Variants in PHF2 observed in about 807,000 individuals in gnomAD.
PHF2 encodes PHD finger protein 2, also known as lysine-specific demethylase PHF2.
PHF2 carries 27 observed loss-of-function variants against 120.5 expected under a neutral mutation model. That is an observed-to-expected ratio of 0.22 (90% CI 0.17 to 0.31). PHF2 has a LOEUF of 0.31. Among genes scored for constraint, PHF2 ranks in the 10% least tolerant of loss-of-function variants. The pLI is 1.00. For missense variants in PHF2, 1,024 were observed against 1,434.8 expected, an observed-to-expected ratio of 0.71 and a Z score of 4.63; for synonymous variants, 568 against 592.5, an observed-to-expected ratio of 0.96 and a Z score of 0.60.
rs559791049 is a variant in PHF2 at position 93,677,041 on chromosome 9, G to A, written c.3202+78G>A. ...TGGGCAGCCCCAGACATGCAGACTC[G>A]GCCCATGGTAGAGGGCAGCACATTG... On this transcript the variant is annotated intron_variant, in intron 21 of 21. Transcript: ENST00000359246. This position sits in a 1 kb window ranked among gnomAD's most constrained non-coding sequence, Gnocchi z 4.4. The A allele has an allele frequency of 1.5e-5, 22 of 1,420,146 alleles. No individual in the cohort carries two copies. The highest frequency in any genetic ancestry group is 5.6e-5 in the Admixed American group (2 of 35,946). The allele number at this position is 1,420,146 out of a possible 1,614,324, so 88.0% of individuals were successfully genotyped here.
chr9:93,608,745 A>G (rs1172671038), intron 1 of PHF2, among the ~76,000 whole-genome samples: 1 of 151,796 alleles, frequency 6.6e-6, no homozygotes, highest in African/African-American at 2.4e-5. Flanking sequence ...TCATCCTTTT[A>G]CTTTTAATCT....
At position 93,653,640 on chromosome 9, in the gene PHF2, G is replaced by C. The variant is rs542740770; in HGVS notation, c.789+275G>C. Among the ~76,000 whole-genome samples the C allele has an allele frequency of 1.7e-4, 26 of 152,328 alleles. 1 individual carries two copies. In the East Asian group the frequency reaches 5.0e-3, roughly 29 times the overall value. ...AGACCACCAGGTGACCATGCACTTA[G>C]AGGAGAAAGGGGAATGTTGCAAAAA... On this transcript the variant is annotated intron_variant, in intron 6 of 21. Coordinates refer to ENST00000359246, the MANE Select transcript of PHF2 (RefSeq NM_005392.4).
Position 93,656,128 on chromosome 9 carries a change from T to C in PHF2, c.1040+107T>C. The C allele has an allele frequency of 1.2e-6, 1 of 855,088 alleles. No individual in the cohort carries two copies. Among genetic ancestry groups the C allele is most frequent in the Non-Finnish European group, 1.9e-6 (1 of 535,580 alleles). The allele number at this position is 855,088 out of a possible 1,614,324, so 53.0% of individuals were successfully genotyped here. A position where few individuals can be genotyped will look rare whatever the true frequency, so the allele number is the denominator to read the frequency against. Reference sequence around the variant, plus strand: ...GCTGAGTCCTGGCACAGCCCGCCTGTGGGTGGCCTGGACATGACCGTCAGC... The same window carrying C: ...GCTGAGTCCTGGCACAGCCCGCCTGCGGGTGGCCTGGACATGACCGTCAGC... On this transcript the variant is annotated intron_variant, in intron 8 of 21. Coordinates refer to ENST00000359246, the MANE Select transcript of PHF2 (RefSeq NM_005392.4). The surrounding 1 kb of genome is among the most constrained non-coding windows in gnomAD (Gnocchi z 4.1).
At chr9:93,668,015 G>T (rs1488765777) in intron 17 of PHF2, among the ~76,000 whole-genome samples, 3 of 152,238 alleles carry the variant, frequency 2.0e-5, no homozygotes, top group Non-Finnish European at 4.4e-5. Flanking sequence ...TCAGTGGGCA[G>T]GTGGAGGCCT....
intron 3 of PHF2, among the ~76,000 whole-genome samples, chr9:93,637,876 G>A (rs922269524): frequency 2.6e-5 from 4 of 152,180 alleles, no homozygotes; most frequent in Non-Finnish European, 5.9e-5. Flanking sequence ...TCCAAAGCAG[G>A]TTCCCCGTTT....
In PHF2 at chr9:93,677,291, C is replaced by A. The variant is rs931841036; in HGVS notation, c.3203-297C>A. Among the ~76,000 whole-genome samples the A allele has an allele frequency of 6.6e-6, 1 of 151,820 alleles. No individual in the cohort carries two copies. The highest frequency in any genetic ancestry group is 2.4e-5 in the African/African-American group (1 of 41,348). Reference sequence around the variant, plus strand: ...CTGGCAGTGGCTCCTGGCCTTGTTACTGGGGGTGGTGCCCAGGCATCCTCA... The same window carrying A: ...CTGGCAGTGGCTCCTGGCCTTGTTAATGGGGGTGGTGCCCAGGCATCCTCA... On this transcript the variant is annotated intron_variant, in intron 21 of 21. Coordinates refer to ENST00000359246, the MANE Select transcript of PHF2 (RefSeq NM_005392.4). This position sits in a 1 kb window ranked among gnomAD's most constrained non-coding sequence, Gnocchi z 4.4.
chr9:93,664,517 G>A (rs562679815), intron 14 of PHF2, among the ~76,000 whole-genome samples: 2 of 152,330 alleles, frequency 1.3e-5, no homozygotes, highest in Non-Finnish European at 2.9e-5. Flanking sequence ...TGACTAACTT[G>A]GCCAGGTTGT....
chr9:93,601,699 C>T (rs748528021), intron 1 of PHF2, among the ~76,000 whole-genome samples: 4 of 151,874 alleles, frequency 2.6e-5, no homozygotes, highest in African/African-American at 4.8e-5. Flanking sequence ...TGTGCAGAGC[C>T]CCTATGAATC....
rs1826453201 is a variant in PHF2, at chr9:93,656,031, G to GC, written c.1040+12dup. On this transcript the variant is annotated intron_variant, in intron 8 of 21. Coordinates refer to ENST00000359246, the MANE Select transcript of PHF2 (RefSeq NM_005392.4). The surrounding 1 kb of genome is among the most constrained non-coding windows in gnomAD (Gnocchi z 4.1). Reference sequence around the variant, plus strand: ...TGGAGATGCAGATGAGGTAGTGCCTGCCGCGCTGTCTGCCCTCGGGCTCCG... The same window carrying GC: ...TGGAGATGCAGATGAGGTAGTGCCTGCCCGCGCTGTCTGCCCTCGGGCTCCG... The GC allele has an allele frequency of 6.2e-7, 1 of 1,608,798 alleles. No individual in the cohort carries two copies. The highest frequency in any genetic ancestry group is 8.5e-7 in the Non-Finnish European group (1 of 1,177,622).
rs373310830 is a variant in PHF2 at position 93,659,492 on chromosome 9, G to C, written c.1240-19G>C. The C allele has an allele frequency of 4.6e-5, 74 of 1,609,400 alleles. No homozygotes were observed. Among genetic ancestry groups the C allele is most frequent in the Admixed American group, 1.5e-4 (9 of 59,996 alleles). On this transcript the variant is annotated intron_variant, in intron 10 of 21. Coordinates refer to ENST00000359246, the MANE Select transcript of PHF2 (RefSeq NM_005392.4). ...ACGGGAGGTGTCTGGTGCTGACCCT[G>C]GGTCCGGTTGTCCTGCAGGCTTTGG...
At position 93,674,937 on chromosome 9, in the gene PHF2, A is replaced by G. The variant is rs776559695; in HGVS notation, c.2637A>G (p.Ser879=). The G allele has an allele frequency of 6.2e-7, 1 of 1,613,144 alleles. No individual in the cohort carries two copies. Residue 879 remains serine (S), a synonymous_variant, in exon 19 of 22, where the codon TCA becomes TCG. Coordinates refer to ENST00000359246, the MANE Select transcript of PHF2 (RefSeq NM_005392.4). ...CFKDSDYVYP[S]LESDEDNPIF... is the part of the protein sequence containing the mutation. ...TCTGCCTCCCTCTAGTTTACCCCTC[A>G]CTGGAGTCAGATGAAGACAACCCCA...
rs558039707 is a variant in PHF2 at position 93,663,850 on chromosome 9, C to T, written c.1937+215C>T. On this transcript the variant is annotated intron_variant, in intron 14 of 21. Coordinates refer to ENST00000359246, the MANE Select transcript of PHF2 (RefSeq NM_005392.4). ...ATAAACACACAGCCTTTGGCTGACA[C>T]ACCTCTGGGGACTCCTCTCCCTCTG... Among the ~76,000 whole-genome samples, 4 of 152,192 alleles carry T rather than the reference C, an allele frequency of 2.6e-5. No individual in the cohort carries two copies. The South Asian group carries it at 8.3e-4, about 31-fold the overall frequency.
chr9:93,664,300 G>A (rs937128508), intron 14 of PHF2, among the ~76,000 whole-genome samples: 5 of 152,168 alleles, frequency 3.3e-5, no homozygotes, highest in Middle Eastern at 3.4e-3. Context: ...GGTGGTGTGG[G>A]CATGCTGGAT....
intron 1 of PHF2, among the ~76,000 whole-genome samples, chr9:93,609,781 C>A (rs1322443245): frequency 6.6e-6 from 1 of 152,112 alleles, no homozygotes; most frequent in Non-Finnish European, 1.5e-5. Flanking sequence ...TAGCTCACTG[C>A]AACCTCCTGG....
At chr9:93,589,589 G>C (rs10114689) in intron 1 of PHF2, among the ~76,000 whole-genome samples, 124,076 of 152,212 alleles carry the variant, frequency 0.82, 50,675 homozygotes, top group East Asian at 0.88. Context: ...GGAAATTAAA[G>C]TCAGTGACCC....
chr9:93,631,994 T>C (rs1826009815), intron 2 of PHF2, among the ~76,000 whole-genome samples: 1 of 152,004 alleles, frequency 6.6e-6, no homozygotes, highest in African/African-American at 2.4e-5. Context: ...GGGGCTGGGG[T>C]AGAGCAATGG....
At chr9:93,669,150 C>T (rs1236592999) in intron 17 of PHF2, among the ~76,000 whole-genome samples, 1 of 152,246 alleles carries the variant, frequency 6.6e-6, no homozygotes, top group Non-Finnish European at 1.5e-5. Flanking sequence ...TTGGGTTGCC[C>T]AGACGGCATG....
intron 2 of PHF2, among the ~76,000 whole-genome samples, chr9:93,634,777 A>T (rs1319184519): frequency 6.6e-6 from 1 of 152,230 alleles, no homozygotes; most frequent in South Asian, 2.1e-4. Flanking sequence ...AGTACTGGGC[A>T]TAGGGGACAC....
chr9:93,651,367 C>T (rs1826367171), intron 5 of PHF2, among the ~76,000 whole-genome samples: 1 of 152,162 alleles, frequency 6.6e-6, no homozygotes, highest in Non-Finnish European at 1.5e-5. Context: ...TCAGGGCCAC[C>T]CCTTTGCCTC....
Sources: allele counts gnomAD v4.1 joint callset (sites outside exome capture counted in the v4.1 genomes callset), GRCh38; gene constraint gnomAD v4.1.1; non-coding constraint Gnocchi (gnomAD v3.1); transcripts MANE v1.5; gene names NCBI Gene and HGNC (gene_info 2026-07-23, HGNC 2026-07-21).